Variants in CIMIP2B observed in about 807,000 individuals in gnomAD.
CIMIP2B encodes family with sequence similarity 166 member B.
the CIMIP2B span, chr9:35,563,646 TAG>T: frequency 2.2e-6 from 2 of 894,424 alleles, no homozygotes; most frequent in African/African-American, 3.3e-5. Context: ...TCCACCACCA[TAG>T]AGACCTCAGC....
the CIMIP2B span, chr9:35,562,199 C>T: frequency 9.5e-7 from 1 of 1,054,208 alleles, no homozygotes; most frequent in African/African-American, 1.6e-5. Flanking sequence ...AAAATCTGGC[C>T]CTAATTCCCC....
the CIMIP2B span, chr9:35,563,695 AAGC>A: frequency 2.1e-6 from 3 of 1,425,578 alleles, no homozygotes; most frequent in African/African-American, 4.2e-5. Flanking sequence ...CCCATGCTCT[AAGC>A]AGCTTAATTC....
At chr9:35,562,533 A>G in the CIMIP2B span, 1 of 1,578,748 alleles carries the variant, frequency 6.3e-7, no homozygotes, top group Non-Finnish European at 8.6e-7. Flanking sequence ...GGAAAGCTGG[A>G]GCCGAAGAGG....
the CIMIP2B span, chr9:35,562,316 C>T: frequency 4.8e-6 from 6 of 1,261,478 alleles, no homozygotes; most frequent in South Asian, 1.6e-5. Flanking sequence ...AACCACCCAA[C>T]CCACCCCATA....
chr9:35,561,944 T>A, the CIMIP2B span: 2 of 271,296 alleles, frequency 7.4e-6, no homozygotes, highest in Non-Finnish European at 1.4e-5. Context: ...CACCCACCTC[T>A]CTCCCTTCCA....
the CIMIP2B span, chr9:35,562,103 G>T: frequency 6.6e-7 from 1 of 1,521,696 alleles, no homozygotes; most frequent in Non-Finnish European, 8.8e-7. Context: ...ACCCTGTGTG[G>T]CCAAGAGAGT....
chr9:35,563,593 G>A, the CIMIP2B span, among the ~76,000 whole-genome samples: 1 of 152,140 alleles, frequency 6.6e-6, no homozygotes, highest in Non-Finnish European at 1.5e-5. Context: ...AAAGCTTTGG[G>A]GCAGACCCGG....
At chr9:35,562,144 C>A in the CIMIP2B span, 2 of 1,377,890 alleles carry the variant, frequency 1.5e-6, no homozygotes, top group Admixed American at 2.3e-5. Flanking sequence ...CATGGCAAAG[C>A]CATTTAATTC....
chr9:35,562,197 G>A, the CIMIP2B span: 14 of 1,067,898 alleles, frequency 1.3e-5, no homozygotes, highest in Non-Finnish European at 1.8e-5. Context: ...CTAAAATCTG[G>A]CCCTAATTCC....
chr9:35,563,214 T>G, the CIMIP2B span: 3 of 1,613,992 alleles, frequency 1.9e-6, no homozygotes, highest in East Asian at 6.7e-5. Context: ...TGCCCACGCC[T>G]GACAGGTAGA....
At chr9:35,562,791 A>G in the CIMIP2B span, 1 of 1,607,702 alleles carries the variant, frequency 6.2e-7, no homozygotes, top group East Asian at 2.2e-5. Context: ...CAGCCACACT[A>G]CTCATGCTGC....
chr9:35,562,982 T>TC, the CIMIP2B span: 1 of 1,613,916 alleles, frequency 6.2e-7, no homozygotes, highest in Non-Finnish European at 8.5e-7. Flanking sequence ...AGCTCTTCAC[T>TC]CCCTTGCTTT....
At chr9:35,562,765 A>G in the CIMIP2B span, 1 of 1,610,430 alleles carries the variant, frequency 6.2e-7, no homozygotes, top group South Asian at 1.1e-5. Context: ...AATCAAGTGC[A>G]CATCCCCTGA....
the CIMIP2B span, chr9:35,563,043 G>T: frequency 6.2e-7 from 1 of 1,613,992 alleles, no homozygotes; most frequent in Non-Finnish European, 8.5e-7. Context: ...CCTGGCTGCA[G>T]TTCTTGGCAA....
At chr9:35,562,912 C>T in the CIMIP2B span, 11 of 1,613,916 alleles carry the variant, frequency 6.8e-6, no homozygotes, top group African/African-American at 9.3e-5. Context: ...CTCCAGCTGC[C>T]CCTCCGGCTC....
the CIMIP2B span, chr9:35,562,253 A>G: frequency 9.4e-7 from 1 of 1,061,928 alleles, no homozygotes; most frequent in Non-Finnish European, 1.3e-6. Context: ...CTGATAATAA[A>G]GCTGAACCAC....
At chr9:35,563,611 C>T in the CIMIP2B span, among the ~76,000 whole-genome samples, 1 of 152,216 alleles carries the variant, frequency 6.6e-6, no homozygotes, top group South Asian at 2.1e-4. Context: ...CGGTGTCTCA[C>T]TAGTCCCTTG....
At chr9:35,562,939 T>G in the CIMIP2B span, 1 of 1,613,986 alleles carries the variant, frequency 6.2e-7, no homozygotes, top group Non-Finnish European at 8.5e-7. Flanking sequence ...CTGGTCCTTC[T>G]CTGTGTCCTT....
chr9:35,563,741 C>T, the CIMIP2B span: 20 of 1,604,474 alleles, frequency 1.2e-5, no homozygotes, highest in African/African-American at 4.0e-5. Context: ...CAGCAGCAAG[C>T]GGGGAGCGCT....
Sources: gnomAD v4.1 joint callset for allele counts (sites outside exome capture counted in the v4.1 genomes callset) on GRCh38, gnomAD v4.1.1 for gene constraint, MANE v1.5 for transcripts, NCBI Gene and HGNC (gene_info 2026-07-23, HGNC 2026-07-21) for gene names.